Variants in NCKAP1L observed in about 807,000 individuals in gnomAD.
NCKAP1L encodes the protein NCK associated protein 1 like, also known as nck-associated protein 1-like.
Under a neutral mutation model 139.2 loss-of-function variants are expected in NCKAP1L, and 53 were observed. The ratio of observed to expected loss-of-function variants is 0.38; its 90% CI spans 0.31 to 0.48. NCKAP1L has a LOEUF of 0.48. Ranked by LOEUF, NCKAP1L falls within the 20% of genes least tolerant of loss-of-function variation. NCKAP1L has a pLI of 0.98. For missense variants in NCKAP1L, 1,151 were observed against 1,381.9 expected, an observed-to-expected ratio of 0.83 and a Z score of 2.65; for synonymous variants, 468 against 499.7, an observed-to-expected ratio of 0.94 and a Z score of 0.85.
chr12:54,521,078 C>T, intron 17 of NCKAP1L, 41 bp from the exon 18 acceptor site: 1 of 1,611,800 alleles, frequency 6.2e-7, no homozygotes, highest in South Asian at 1.1e-5. Context: ...AGTGGCCGTG[C>T]TGGTGATGAC....
Position 54,523,909 on chromosome 12 carries a change from C to T in NCKAP1L, c.2109C>T (p.Ile703=). 6.2e-7 allele frequency: 1 copy of T among 1,614,154 alleles called. No individual in the cohort carries two copies. The highest frequency in any genetic ancestry group is 8.5e-7 in the Non-Finnish European group (1 of 1,179,990). Residue 703 remains isoleucine, a synonymous_variant, in exon 20 of 31, where the codon ATC becomes ATT. Coordinates refer to ENST00000293373, the MANE Select transcript of NCKAP1L (RefSeq NM_005337.5). ...VYSFSVFEHT[I]FPSEYLSSHL... Reference sequence around the variant, plus strand: ...GTTTCTCCGTGTTTGAACATACTATCTTCCCTTCTGAGTACCTCAGCAGCC... The same window carrying T: ...GTTTCTCCGTGTTTGAACATACTATTTTCCCTTCTGAGTACCTCAGCAGCC...
intron 9 of NCKAP1L, among the ~76,000 whole-genome samples, chr12:54,512,764 ATG>A (rs55837974): frequency 0.35 from 52,332 of 149,854 alleles, 9,713 homozygotes; most frequent in East Asian, 0.55. Flanking sequence ...GAGTGTGTGT[ATG>A]TGTGTGTGTG....
intron 4 of NCKAP1L, 42 bp downstream of exon 4, chr12:54,507,951 A>G: frequency 6.3e-7 from 1 of 1,581,732 alleles, no homozygotes; most frequent in Non-Finnish European, 8.7e-7. Context: ...GAGTCAAAGA[A>G]AAGGCCAGGT....
At position 54,521,110 on chromosome 12, in the gene NCKAP1L, T is replaced by G; in HGVS notation, c.1759-9T>G. On this transcript the variant is annotated splice_polypyrimidine_tract_variant and intron_variant, in intron 17 of 30. Coordinates refer to ENST00000293373, the MANE Select transcript of NCKAP1L (RefSeq NM_005337.5). Reference sequence around the variant, plus strand: ...TGACAGTCTCTTCTTTGGTCCCTCTTTCCCATAGTACCCCCACCTCAAGAA... The same window carrying G: ...TGACAGTCTCTTCTTTGGTCCCTCTGTCCCATAGTACCCCCACCTCAAGAA... 6.2e-7 allele frequency: 1 copy of G among 1,613,954 alleles called. No individual in the cohort carries two copies. Among genetic ancestry groups the G allele is most frequent in the South Asian group, 1.1e-5 (1 of 91,078 alleles).
At chr12:54,524,934 C>T (rs576048847) in intron 20 of NCKAP1L, among the ~76,000 whole-genome samples, 3 of 152,184 alleles carry the variant, frequency 2.0e-5, no homozygotes, top group Non-Finnish European at 4.4e-5. Context: ...TGTGAGGACA[C>T]TGAGAAAGCC....
At chr12:54,506,271 C>T in intron 3 of NCKAP1L, among the ~76,000 whole-genome samples, 1 of 152,164 alleles carries the variant, frequency 6.6e-6, no homozygotes, top group East Asian at 1.9e-4. Context: ...TCTATATTCT[C>T]ATCAGCACTT....
In NCKAP1L at chr12:54,497,763, T is replaced by C. The variant is rs762432372; in HGVS notation, c.-27T>C. ...TGTTTGGGGAGATCAGACATTGCTG[T>C]CTGGTGCTCCTCTCTCAGTGGCCAT... On this transcript the variant is annotated 5_prime_UTR_variant, in exon 1 of 31. Coordinates refer to ENST00000293373, the MANE Select transcript of NCKAP1L (RefSeq NM_005337.5). 2 of 1,471,014 alleles carry C rather than the reference T, an allele frequency of 1.4e-6. No individual in the cohort carries two copies. The highest frequency in any genetic ancestry group is 1.9e-6 in the Non-Finnish European group (2 of 1,050,244). 91.1% of individuals were successfully genotyped at this position (1,471,014 alleles called of 1,614,324 possible).
Position 54,523,407 on chromosome 12 carries a change from A to G in NCKAP1L, c.1892A>G (p.His631Arg), listed in dbSNP as rs753571906. 1 of 1,613,962 alleles carries G rather than the reference A, an allele frequency of 6.2e-7. No homozygotes were observed. The highest frequency in any genetic ancestry group is 8.5e-7 in the Non-Finnish European group (1 of 1,179,964). Residue 631 changes from histidine to arginine, a missense_variant, in exon 19 of 31, where the codon CAC (histidine) becomes CGC (arginine). Physicochemically the swap from His to Arg is conservative, Grantham distance 29 (BLOSUM62 0). Coordinates refer to ENST00000293373, the MANE Select transcript of NCKAP1L (RefSeq NM_005337.5). Reference protein sequence around the residue: ...RNLSEQLLPKHCATTISKAKN... With the variant: ...RNLSEQLLPKRCATTISKAKN... ...TTGTTTCTGAAGCTTCTACCTAAGCACTGTGCCACTACAATCAGCAAAGCC... is the reference window on the plus strand; with the variant it reads ...TTGTTTCTGAAGCTTCTACCTAAGCGCTGTGCCACTACAATCAGCAAAGCC...
chr12:54,531,886 A>G (rs955625367), intron 25 of NCKAP1L, 61 bp downstream of exon 25: 1 of 1,372,920 alleles, frequency 7.3e-7, no homozygotes. Context: ...TAGGGTTTGT[A>G]TGATAATTTG....
At chr12:54,528,166 G>T in intron 21 of NCKAP1L, 81 bp from the exon 22 acceptor site, 1 of 1,511,688 alleles carries the variant, frequency 6.6e-7, no homozygotes. Context: ...TTTTCTTTCT[G>T]AGCTCAGTGG....
chr12:54,498,357 G>A (rs1370014352), intron 1 of NCKAP1L, among the ~76,000 whole-genome samples: 1 of 151,806 alleles, frequency 6.6e-6, no homozygotes, highest in African/African-American at 2.4e-5. Context: ...AAAAGGGTAG[G>A]TGTCTTCTGA....
intron 10 of NCKAP1L, among the ~76,000 whole-genome samples, 196 bp downstream of exon 10, chr12:54,516,491 C>T (rs1017148788): frequency 8.6e-5 from 13 of 150,912 alleles, no homozygotes; most frequent in African/African-American, 1.5e-4. Context: ...CTGTTGCCCA[C>T]GCTGGGTGCA....
intron 21 of NCKAP1L, among the ~76,000 whole-genome samples, chr12:54,527,352 C>T (rs78803420): frequency 0.013 from 1,989 of 152,268 alleles, 42 homozygotes; most frequent in African/African-American, 0.045. Flanking sequence ...AAGAACCCCC[C>T]AGAACAAGGG....
chr12:54,518,048 G>A, intron 13 of NCKAP1L, 110 bp downstream of exon 13: 2 of 1,366,522 alleles, frequency 1.5e-6, no homozygotes, highest in Non-Finnish European at 1.0e-6. Flanking sequence ...GGTGTCAAAA[G>A]GTCCAATCTA....
In NCKAP1L at chr12:54,509,755, C is replaced by G. The variant is rs201133011; in HGVS notation, c.593C>G (p.Thr198Arg). 1.2e-4 allele frequency: 194 copies of G among 1,614,068 alleles called. No homozygotes were observed. Among genetic ancestry groups the G allele is most frequent in the Non-Finnish European group, 1.7e-6 (2 of 1,180,010 alleles). The part of the protein sequence containing the change: ...KKLTEEFGPH[T>R]KAVSGALLSL... ...CTGACAGAAGAGTTTGGGCCTCACA[C>G]AAAGGCAAGTTCCCTGACAATGGAG... is the stretch of plus-strand genomic sequence containing the variant. Residue 198 changes from threonine to arginine, a missense_variant, in exon 6 of 31, where the codon ACA becomes AGA. Transcript: ENST00000293373.
chr12:54,509,056 T>C (rs1161853391), intron 5 of NCKAP1L, among the ~76,000 whole-genome samples: 1 of 152,194 alleles, frequency 6.6e-6, no homozygotes, highest in Non-Finnish European at 1.5e-5. Flanking sequence ...TTCTTTTTAG[T>C]GTTGGTAGGA....
chr12:54,500,714 T>C, intron 3 of NCKAP1L, 89 bp downstream of exon 3: 1 of 868,558 alleles, frequency 1.2e-6, no homozygotes, highest in Non-Finnish European at 1.9e-6. Flanking sequence ...TTAAAACAAG[T>C]TCTTGAAAAA....
At chr12:54,502,577 G>A (rs1956806913) in intron 3 of NCKAP1L, among the ~76,000 whole-genome samples, 1 of 151,770 alleles carries the variant, frequency 6.6e-6, no homozygotes, top group Non-Finnish European at 1.5e-5. Context: ...AAATACTTAA[G>A]CATACATTTG....
In NCKAP1L at chr12:54,542,597, T is replaced by C; in HGVS notation, c.3296T>C (p.Leu1099Pro). The change falls in exon 31 of 31, where the codon CTG becomes CCG. Residue 1099 changes from leucine to proline, a missense_variant. Transcript: ENST00000293373. ...CAGGTGGTGGAGGAGTCATCCTTCC[T>C]GACCCTGGACATGCTGGAGTCCTGT... ...MRLVVEESSFLTLDMLESCFP... is the reference protein window; with the variant it reads ...MRLVVEESSFPTLDMLESCFP... 6.2e-7 allele frequency: 1 copy of C among 1,614,134 alleles called. No homozygotes were observed. Among genetic ancestry groups the C allele is most frequent in the Non-Finnish European group, 8.5e-7 (1 of 1,179,960 alleles).
Sources: allele counts gnomAD v4.1 joint callset (sites outside exome capture counted in the v4.1 genomes callset), GRCh38; gene constraint gnomAD v4.1.1; transcripts MANE v1.5; gene names NCBI Gene and HGNC (gene_info 2026-07-23, HGNC 2026-07-21).